Variants in CPNE9 observed in about 807,000 individuals in gnomAD.
CPNE9 encodes the protein copine family member 9.
CPNE9 carries 59 observed loss-of-function variants against 83.0 expected under a neutral mutation model. That is an observed-to-expected ratio of 0.71 (90% CI 0.58 to 0.88). The LOEUF (loss-of-function observed/expected upper bound fraction) is 0.88. Among genes scored for constraint, CPNE9 ranks in the 40% least tolerant of loss-of-function variants. The probability of loss-of-function intolerance (pLI) is 0.00; values close to 1 mark genes in which losing one functional copy is unlikely to be tolerated. For missense variants in CPNE9, 619 were observed against 720.8 expected (o/e 0.86, Z 1.62); for synonymous variants, 256 against 273.4 (o/e 0.94, Z 0.63).
At chr3:9,705,765 A>G (rs749326522) in intron 6 of CPNE9, 45 bp downstream of exon 6, 3 of 1,602,964 alleles carry the variant, frequency 1.9e-6, no homozygotes, top group Non-Finnish European at 2.6e-6. Flanking sequence ...TGGGGGTGGT[A>G]TTGTGGAGAA....
chr3:9,713,768 T>A (rs2076651956), intron 10 of CPNE9, among the ~76,000 whole-genome samples: 1 of 151,808 alleles, frequency 6.6e-6, no homozygotes, highest in South Asian at 2.1e-4. Flanking sequence ...AGTAAATGGG[T>A]AGTATAAAGA....
In CPNE9 at chr3:9,718,119, T is replaced by A. The variant is rs1559642396; in HGVS notation, c.1022T>A (p.Ile341Asn). Residue 341 changes from isoleucine (I) to asparagine (N), a missense_variant, in exon 16 of 21, where the codon ATC (isoleucine) becomes AAC (asparagine). By Grantham distance (149) the Ile-to-Asn change is moderately radical. Transcript: ENST00000383832. ...GCCCTCAAGGCAGTGGGAGAGATCA[T>A]CCAGGACTATGACAGTGATAAGCTC... The part of the protein sequence containing the change: ...AMALKAVGEI[I>N]QDYDSDKLFP... 11 of 1,614,062 alleles carry A rather than the reference T, an allele frequency of 6.8e-6. No homozygotes were observed. The highest frequency in any genetic ancestry group is 9.3e-6 in the Non-Finnish European group (11 of 1,179,982).
At chr3:9,709,089 A>C (rs534681220) in intron 7 of CPNE9, among the ~76,000 whole-genome samples, 3 of 150,710 alleles carry the variant, frequency 2.0e-5, no homozygotes, top group East Asian at 4.1e-4. Flanking sequence ...GCCTGGCCAA[A>C]ATAGTGAAAT....
chr3:9,719,970 G>A (rs191260641), intron 17 of CPNE9, among the ~76,000 whole-genome samples: 2 of 151,466 alleles, frequency 1.3e-5, no homozygotes, highest in Non-Finnish European at 2.9e-5. Flanking sequence ...CAACCTGGGC[G>A]ACAGAGCAAG....
At chr3:9,728,968 T>C (rs1471587876) in intron 20 of CPNE9, among the ~76,000 whole-genome samples, 1 of 152,092 alleles carries the variant, frequency 6.6e-6, no homozygotes, top group South Asian at 2.1e-4. Flanking sequence ...CCTGCTCTAC[T>C]TCCTTCCAGG....
chr3:9,709,174 G>C (rs2076596958), intron 7 of CPNE9, among the ~76,000 whole-genome samples: 1 of 148,924 alleles, frequency 6.7e-6, no homozygotes, highest in South Asian at 2.1e-4. Flanking sequence ...TACTCAGAAG[G>C]CTGAGGCAGT....
intron 11 of CPNE9, 48 bp from the exon 12 acceptor site, chr3:9,715,241 T>C: frequency 6.3e-7 from 1 of 1,590,486 alleles, no homozygotes; most frequent in Non-Finnish European, 8.6e-7. Flanking sequence ...TCAGCTCTGG[T>C]TCCAAACCAG....
rs368014623 is a variant in CPNE9, at chr3:9,714,962, C to T, written c.692+7C>T. ...ACTGGGACCGGGATGGAAGGTAGAA[C>T]TGCCCCACATGGTCCCTTCTCCTGT... On this transcript the variant is annotated splice_region_variant and intron_variant, in intron 11 of 20. Transcript: ENST00000383832. 1 of 1,613,166 alleles carries T rather than the reference C, an allele frequency of 6.2e-7. No individual in the cohort carries two copies.
rs1483529699 is a variant in CPNE9 at position 9,704,886 on chromosome 3, C to T, written c.157-5C>T. ...CCCACGCTGACCCTCCACCCCCCTACCCAGTTCGGACGGACCGAGGTGATT... is the reference window on the plus strand; with the variant it reads ...CCCACGCTGACCCTCCACCCCCCTATCCAGTTCGGACGGACCGAGGTGATT... On this transcript the variant is annotated splice_polypyrimidine_tract_variant and splice_region_variant and intron_variant, in intron 3 of 20. Coordinates refer to ENST00000383832, the MANE Select transcript of CPNE9 (RefSeq NM_153635.3). This position sits in a 1 kb window ranked among gnomAD's most constrained non-coding sequence, Gnocchi z 7.1. 1.2e-6 allele frequency: 2 copies of T among 1,611,592 alleles called. No individual in the cohort carries two copies. Among genetic ancestry groups the T allele is most frequent in the African/African-American group, 2.7e-5 (2 of 74,856 alleles).
At position 9,716,043 on chromosome 3, in the gene CPNE9, A is replaced by G. The variant is rs76573035; in HGVS notation, c.884+8A>G. The G allele has an allele frequency of 0.011, 17,217 of 1,606,292 alleles. 216 individuals are homozygous for G. The highest frequency in any genetic ancestry group is 0.063 in the African/African-American group (4,716 of 74,988). On this transcript the variant is annotated splice_region_variant and intron_variant, in intron 14 of 20. Transcript: ENST00000383832. Reference sequence around the variant, plus strand: ...TGATTACATCAAGGGAGGGTGAGTCACAGGCCAAGCTCTGGGCTGAAAGCC... The same window carrying G: ...TGATTACATCAAGGGAGGGTGAGTCGCAGGCCAAGCTCTGGGCTGAAAGCC...
chr3:9,716,905 T>C (rs1456103248), intron 14 of CPNE9, among the ~76,000 whole-genome samples, 153 bp from the exon 15 acceptor site: 1 of 152,240 alleles, frequency 6.6e-6, no homozygotes, highest in Non-Finnish European at 1.5e-5. Flanking sequence ...TCAGCATTAC[T>C]TGGGAGTTTG....
intron 17 of CPNE9, among the ~76,000 whole-genome samples, chr3:9,722,140 C>T (rs1422440239): frequency 6.6e-6 from 1 of 151,524 alleles, no homozygotes; most frequent in African/African-American, 2.4e-5. Context: ...TGGTCTCGAA[C>T]TCCTGACCTC....
chr3:9,723,856 T>G (rs1315753508), intron 17 of CPNE9, among the ~76,000 whole-genome samples: 2 of 152,224 alleles, frequency 1.3e-5, no homozygotes, highest in African/African-American at 4.8e-5. Context: ...AAAGCTATTT[T>G]ATAATTCTAC....
intron 20 of CPNE9, among the ~76,000 whole-genome samples, chr3:9,728,294 C>T (rs1159805161): frequency 6.6e-6 from 1 of 152,070 alleles, no homozygotes; most frequent in Admixed American, 6.6e-5. Context: ...TTGAGACCAG[C>T]CTGGACAACA....
At chr3:9,728,808 C>T (rs2076805563) in intron 20 of CPNE9, among the ~76,000 whole-genome samples, 1 of 151,920 alleles carries the variant, frequency 6.6e-6, no homozygotes, top group African/African-American at 2.4e-5. Flanking sequence ...AGGCCTCTCT[C>T]TCTTCCCAGC....
In CPNE9 at chr3:9,715,273, G is replaced by A. The variant is rs1224378599; in HGVS notation, c.693-16G>A. 23 of 1,613,704 alleles carry A rather than the reference G, an allele frequency of 1.4e-5. No individual in the cohort carries two copies. Among genetic ancestry groups the A allele is most frequent in the East Asian group, 2.2e-5 (1 of 44,894 alleles). On this transcript the variant is annotated splice_polypyrimidine_tract_variant and intron_variant, in intron 11 of 20. Transcript: ENST00000383832. ...CCAGCAGCACCTGCTGCTTAGCCAC[G>A]CCCACCTCATTGCAGCCACGATTTC...
chr3:9,717,710 G>A (rs139960328), intron 15 of CPNE9, among the ~76,000 whole-genome samples: 2 of 151,724 alleles, frequency 1.3e-5, no homozygotes, highest in East Asian at 3.9e-4. Flanking sequence ...GGATGGATGA[G>A]TGGGTAAGTG....
intron 17 of CPNE9, among the ~76,000 whole-genome samples, chr3:9,721,541 C>G (rs887064426): frequency 6.6e-6 from 1 of 151,966 alleles, no homozygotes; most frequent in African/African-American, 2.4e-5. Flanking sequence ...GAGCAGTATC[C>G]TAGAGGGAGG....
At chr3:9,715,913 T>A (rs1290352525) in intron 13 of CPNE9, 61 bp from the exon 14 acceptor site, 1 of 1,182,876 alleles carries the variant, frequency 8.5e-7, no homozygotes, top group Admixed American at 2.3e-5. Context: ...TGGGCCTCAC[T>A]TCCTTCTGCC....
Sources: allele counts gnomAD v4.1 joint callset (sites outside exome capture counted in the v4.1 genomes callset), GRCh38; gene constraint gnomAD v4.1.1; non-coding constraint Gnocchi (gnomAD v3.1); transcripts MANE v1.5; gene names NCBI Gene and HGNC (gene_info 2026-07-23, HGNC 2026-07-21).